Variants in HS3ST4 observed in about 807,000 individuals in gnomAD.
HS3ST4 encodes the protein heparan sulfate-glucosamine 3-sulfotransferase 4, also known as heparan sulfate glucosamine 3-O-sulfotransferase 4.
Under a neutral mutation model 29.2 loss-of-function variants are expected in HS3ST4, and 17 were observed. The observed-to-expected ratio is 0.58, with a 90% CI of 0.40 to 0.87. The LOEUF (loss-of-function observed/expected upper bound fraction) is 0.87, where lower values mean the gene tolerates loss of function less well. Among genes scored for constraint, HS3ST4 ranks in the 40% least tolerant of loss-of-function variants. The pLI, the probability that HS3ST4 is intolerant of heterozygous loss-of-function variation, is 0.00. For synonymous variants in HS3ST4, 314 were observed against 285.7 expected (o/e 1.10, Z -1.00); for missense variants, 627 against 634.5 (o/e 0.99, Z 0.13).
intron 1 of HS3ST4, among the ~76,000 whole-genome samples, chr16:25,877,856 A>G (rs1185726729): frequency 6.6e-6 from 1 of 152,214 alleles, no homozygotes; most frequent in Non-Finnish European, 1.5e-5. Context: ...TCTTCAGCAG[A>G]TATTTGCTAG....
Position 25,698,975 on chromosome 16 carries a change from G to T in HS3ST4, c.734+5824G>T, listed in dbSNP as rs150658497. Among the ~76,000 whole-genome samples, 148 of 152,298 alleles carry T rather than the reference G, an allele frequency of 9.7e-4. 1 individual carries two copies. Among genetic ancestry groups the T allele is most frequent in the African/African-American group, 3.5e-3 (146 of 41,538 alleles). On this transcript the variant is annotated intron_variant, in intron 1 of 1. Coordinates refer to ENST00000331351, the MANE Select transcript of HS3ST4 (RefSeq NM_006040.3). The stretch of plus-strand genomic sequence containing the variant: ...CCCAATGTGCAAGTGTGGCATTGGG[G>T]TTATGAGATCTTCCACTGTGTAAGA...
At chr16:25,946,416 G>A (rs1366040207) in intron 1 of HS3ST4, among the ~76,000 whole-genome samples, 2 of 152,220 alleles carry the variant, frequency 1.3e-5, no homozygotes, top group African/African-American at 4.8e-5. Context: ...AAGGGCTGAT[G>A]TAAGGAAGAG....
chr16:25,979,511 G>A lies in HS3ST4; in HGVS notation c.735-156101G>A, dbSNP rs571633176. 2.0e-5 allele frequency among the ~76,000 whole-genome samples: 3 copies of A among 152,282 alleles called. No homozygotes were observed. The South Asian group carries it at 6.2e-4, about 32-fold the overall frequency. On this transcript the variant is annotated intron_variant, in intron 1 of 1. Coordinates refer to ENST00000331351, the MANE Select transcript of HS3ST4 (RefSeq NM_006040.3). ...TGAACTTTGCATGCAAGGGATCTAG[G>A]TTACAGGCTCCTTATGAGAATCAGA...
intron 1 of HS3ST4, among the ~76,000 whole-genome samples, chr16:25,873,262 C>G (rs1967775588): frequency 6.6e-6 from 1 of 151,394 alleles, no homozygotes; most frequent in Non-Finnish European, 1.5e-5. Context: ...AGCCATCCAT[C>G]CATCCATTTG....
At chr16:25,802,744 A>C (rs530725221) in intron 1 of HS3ST4, among the ~76,000 whole-genome samples, 1 of 152,172 alleles carries the variant, frequency 6.6e-6, no homozygotes, top group East Asian at 1.9e-4. Context: ...TGTATTCGTT[A>C]TGTTTATATC....
chr16:26,051,826 C>T (rs529433487), intron 1 of HS3ST4, among the ~76,000 whole-genome samples: 33 of 150,826 alleles, frequency 2.2e-4, no homozygotes, highest in Non-Finnish European at 3.8e-4. Context: ...TTTCCATTCT[C>T]ACTCCCTCCC....
In HS3ST4 at chr16:25,712,302, A is replaced by G. The variant is rs570402560; in HGVS notation, c.734+19151A>G. Among the ~76,000 whole-genome samples the G allele has an allele frequency of 1.0e-3, 157 of 152,286 alleles. 1 individual carries two copies. The highest frequency in any genetic ancestry group is 3.8e-3 in the African/African-American group (157 of 41,574). On this transcript the variant is annotated intron_variant, in intron 1 of 1. Coordinates refer to ENST00000331351, the MANE Select transcript of HS3ST4 (RefSeq NM_006040.3). Reference sequence around the variant, plus strand: ...TTTCAGAAGCTAGGGCAGGCAGATTACTTGAGTCAAGGGGTTTGAGACCAG... The same window carrying G: ...TTTCAGAAGCTAGGGCAGGCAGATTGCTTGAGTCAAGGGGTTTGAGACCAG...
chr16:26,055,433 C>G (rs906102716), intron 1 of HS3ST4, among the ~76,000 whole-genome samples: 1 of 152,070 alleles, frequency 6.6e-6, no homozygotes, highest in African/African-American at 2.4e-5. Flanking sequence ...AACTCTGACA[C>G]TCTTTTTGGG....
At chr16:25,962,442 T>C (rs12922782) in intron 1 of HS3ST4, among the ~76,000 whole-genome samples, 8,755 of 152,288 alleles carry the variant, frequency 0.057, 338 homozygotes, top group Non-Finnish European at 0.093. Context: ...CTCAGTGTTC[T>C]CATCTTTAAA....
At chr16:25,779,001 T>TACAC (rs1056103718) in intron 1 of HS3ST4, among the ~76,000 whole-genome samples, 1 of 151,422 alleles carries the variant, frequency 6.6e-6, no homozygotes, top group African/African-American at 2.4e-5. Context: ...TCTGTGTCTC[T>TACAC]ACACACACAC....
intron 1 of HS3ST4, among the ~76,000 whole-genome samples, chr16:26,093,591 C>T (rs1043800625): frequency 6.6e-6 from 1 of 152,080 alleles, no homozygotes; most frequent in Non-Finnish European, 1.5e-5. Context: ...ACATCAACAC[C>T]AAAACCCCAT....
intron 1 of HS3ST4, among the ~76,000 whole-genome samples, chr16:26,002,422 G>A (rs1969219582): frequency 6.6e-6 from 1 of 152,132 alleles, no homozygotes; most frequent in African/African-American, 2.4e-5. Flanking sequence ...GTGGGGCGTA[G>A]TTGGACCAAG....
intron 1 of HS3ST4, among the ~76,000 whole-genome samples, chr16:26,127,741 C>T (rs1899364200): frequency 6.6e-6 from 1 of 152,180 alleles, no homozygotes; most frequent in Non-Finnish European, 1.5e-5. Flanking sequence ...GAGTATCTAC[C>T]TTCTCAGCCT....
intron 1 of HS3ST4, among the ~76,000 whole-genome samples, chr16:26,054,845 TGG>T (rs1184233655): frequency 6.6e-6 from 1 of 151,956 alleles, no homozygotes; most frequent in Non-Finnish European, 1.5e-5. Context: ...TAGTGTGAGA[TGG>T]ATGTTTCTGA....
At chr16:25,917,794 CT>C (rs1968306962) in intron 1 of HS3ST4, among the ~76,000 whole-genome samples, 1 of 152,222 alleles carries the variant, frequency 6.6e-6, no homozygotes, top group Non-Finnish European at 1.5e-5. Context: ...GACAGACTTT[CT>C]GTAATCTGCA....
At chr16:25,973,045 T>C (rs115111393) in intron 1 of HS3ST4, among the ~76,000 whole-genome samples, 2,452 of 152,334 alleles carry the variant, frequency 0.016, 62 homozygotes, top group African/African-American at 0.056. Context: ...GAATTATAAA[T>C]GGGTTCTTCC....
chr16:25,729,429 T>A (rs1966556975), intron 1 of HS3ST4, among the ~76,000 whole-genome samples: 1 of 151,954 alleles, frequency 6.6e-6, no homozygotes. Context: ...AAGCATGGAG[T>A]AGATTCAGGT....
chr16:26,134,362 C>CTTTTCTTTTCTTTTTTT (rs750289979), intron 1 of HS3ST4, among the ~76,000 whole-genome samples: 4 of 76,808 alleles, frequency 5.2e-5, no homozygotes, highest in African/African-American at 1.9e-4. Flanking sequence ...CTTTTCTTTT[C>CTTTTCTTTTCTTTTTTT]TTTTTTTTTT....
At chr16:26,108,065 T>A (rs527517786) in intron 1 of HS3ST4, among the ~76,000 whole-genome samples, 1 of 152,168 alleles carries the variant, frequency 6.6e-6, no homozygotes, top group Non-Finnish European at 1.5e-5. Flanking sequence ...TACATTCACA[T>A]CAGCAGTGTA....
Sources: allele counts gnomAD v4.1 joint callset (sites outside exome capture counted in the v4.1 genomes callset), GRCh38; gene constraint gnomAD v4.1.1; transcripts MANE v1.5; gene names NCBI Gene and HGNC (gene_info 2026-07-23, HGNC 2026-07-21).